The following FAM185A variants were observed in gnomAD, a reference collection of about 807,000 sequenced individuals.
The protein encoded by FAM185A is protein FAM185A.
FAM185A carries 21 observed loss-of-function variants against 45.7 expected under a neutral mutation model. The observed-to-expected ratio is 0.46, with a 90% CI of 0.33 to 0.66. The LOEUF (loss-of-function observed/expected upper bound fraction) is 0.66. Ranked by LOEUF, FAM185A falls within the 30% of genes least tolerant of loss-of-function variation. FAM185A has a pLI of 0.03. For missense variants in FAM185A, 305 were observed against 485.4 expected, an observed-to-expected ratio of 0.63 and a Z score of 3.49; for synonymous variants, 117 against 194.0, an observed-to-expected ratio of 0.60 and a Z score of 3.30.
the FAM185A span, among the ~76,000 whole-genome samples, chr7:102,821,219 C>T: frequency 8.7e-4 from 132 of 152,258 alleles, 1 homozygote; most frequent in African/African-American, 3.1e-3. Flanking sequence ...CCAGACCTAT[C>T]AGGAAGGGTT....
At chr7:102,813,324 C>T (rs1168038087), downstream of FAM185A, 2 of 1,568,896 alleles carry the variant, frequency 1.3e-6, no homozygotes, top group Non-Finnish European at 1.7e-6. Flanking sequence ...TTTTGTTCTT[C>T]CTGCTTGAGG....
chr7:102,770,580 A>G (rs2129436233), intron 4 of FAM185A, among the ~76,000 whole-genome samples: 1 of 152,264 alleles, frequency 6.6e-6, no homozygotes, highest in Non-Finnish European at 1.5e-5. Context: ...GAAGACGTAC[A>G]AGAAACCAAC....
At chr7:102,833,064 T>C in the FAM185A span, 4 of 1,353,652 alleles carry the variant, frequency 3.0e-6, no homozygotes, top group African/African-American at 1.5e-5. Flanking sequence ...TACATTTCAG[T>C]CCCTGAAATA....
intron 6 of FAM185A, among the ~76,000 whole-genome samples, chr7:102,781,736 T>C (rs1795420154): frequency 6.6e-6 from 1 of 152,102 alleles, no homozygotes; most frequent in African/African-American, 2.4e-5. Context: ...CTGGAAACTC[T>C]CAAAATCAGA....
At chr7:102,832,728 C>T in the FAM185A span, 120 of 1,288,968 alleles carry the variant, frequency 9.3e-5, no homozygotes, top group South Asian at 2.2e-3. Flanking sequence ...CCAATGAATA[C>T]CTCAACCATG....
intron 7 of FAM185A, among the ~76,000 whole-genome samples, chr7:102,805,646 A>G (rs1797068836): frequency 6.6e-6 from 1 of 152,166 alleles, no homozygotes; most frequent in South Asian, 2.1e-4. Flanking sequence ...TTACTCATGC[A>G]ACCAAACACC....
intron 7 of FAM185A, among the ~76,000 whole-genome samples, chr7:102,799,848 G>A (rs1158224352): frequency 1.3e-5 from 2 of 152,194 alleles, no homozygotes; most frequent in East Asian, 3.9e-4. Flanking sequence ...CCCAGTGGCC[G>A]GGAGTGGCAA....
the FAM185A span, among the ~76,000 whole-genome samples, chr7:102,838,219 C>G: frequency 6.6e-6 from 1 of 152,168 alleles, no homozygotes; most frequent in Non-Finnish European, 1.5e-5. Context: ...TCTTACCCCT[C>G]AATATTCTCA....
chr7:102,767,576 A>C (rs370905269), intron 4 of FAM185A, among the ~76,000 whole-genome samples: 13,501 of 145,888 alleles, frequency 0.093, 675 homozygotes, highest in East Asian at 0.2. Flanking sequence ...ATTCTCCAGG[A>C]TTTCATCCTT....
At chr7:102,831,908 A>G in the FAM185A span, among the ~76,000 whole-genome samples, 1 of 152,178 alleles carries the variant, frequency 6.6e-6, no homozygotes, top group Non-Finnish European at 1.5e-5. Flanking sequence ...ACTATTATTA[A>G]TCCAGAACCT....
the FAM185A span, chr7:102,822,346 G>T: frequency 1.2e-6 from 1 of 832,830 alleles, no homozygotes; most frequent in Non-Finnish European, 2.0e-6. Flanking sequence ...AGTTCTAGAG[G>T]CTGGGAAGTC....
intron 7 of FAM185A, among the ~76,000 whole-genome samples, chr7:102,801,113 T>C (rs1386457261): frequency 6.6e-6 from 1 of 152,176 alleles, no homozygotes; most frequent in East Asian, 1.9e-4. Context: ...GCCAAGAATT[T>C]TGTATCCAGC....
chr7:102,839,446 T>C, the FAM185A span, among the ~76,000 whole-genome samples: 1 of 152,316 alleles, frequency 6.6e-6, no homozygotes, highest in African/African-American at 2.4e-5. Context: ...ATTTCTTTTC[T>C]CAGTCTCTCG....
At chr7:102,771,893 T>TA (rs1398708667) in intron 4 of FAM185A, among the ~76,000 whole-genome samples, 1 of 152,168 alleles carries the variant, frequency 6.6e-6, no homozygotes, top group Non-Finnish European at 1.5e-5. Flanking sequence ...TTGTTAGTCA[T>TA]ACCTCCATGT....
the FAM185A span, among the ~76,000 whole-genome samples, chr7:102,847,890 A>G: frequency 6.6e-6 from 1 of 152,192 alleles, no homozygotes; most frequent in African/African-American, 2.4e-5. Flanking sequence ...TTTAGCCTAG[A>G]AATGTATAAT....
At chr7:102,767,086 G>A (rs928999984) in intron 4 of FAM185A, among the ~76,000 whole-genome samples, 16 of 151,188 alleles carry the variant, frequency 1.1e-4, no homozygotes, top group Admixed American at 5.3e-4. Flanking sequence ...ATGAGCCACC[G>A]CACCTGGCCA....
At chr7:102,806,024 G>T (rs1011650330) in intron 7 of FAM185A, among the ~76,000 whole-genome samples, 1 of 152,164 alleles carries the variant, frequency 6.6e-6, no homozygotes, top group African/African-American at 2.4e-5. Flanking sequence ...TCTGTTTGGT[G>T]TGGGGGTCCA....
chr7:102,760,677 G>C (rs1281709602), intron 3 of FAM185A, among the ~76,000 whole-genome samples: 2 of 152,132 alleles, frequency 1.3e-5, no homozygotes, highest in East Asian at 3.8e-4. Flanking sequence ...AAGGATGCCT[G>C]CTGTCCCATT....
chr7:102,752,273 A>AT (rs202099768), intron 2 of FAM185A, among the ~76,000 whole-genome samples: 54,835 of 140,958 alleles, frequency 0.39, 10,784 homozygotes, highest in Middle Eastern at 0.54. Flanking sequence ...TGTAATTAAA[A>AT]TTTTTTTTTT....
Sources: allele counts gnomAD v4.1 joint callset (sites outside exome capture counted in the v4.1 genomes callset), GRCh38; gene constraint gnomAD v4.1.1; transcripts MANE v1.5; gene names NCBI Gene and HGNC (gene_info 2026-07-23, HGNC 2026-07-21).